Variants in CCDC186 observed in about 807,000 individuals in gnomAD.
CCDC186 encodes coiled-coil domain-containing protein 186.
CCDC186 carries 49 observed loss-of-function variants against 113.7 expected under a neutral mutation model. That is an observed-to-expected ratio of 0.43 (90% CI 0.34 to 0.55). The LOEUF (loss-of-function observed/expected upper bound fraction) is 0.55. Among genes scored for constraint, CCDC186 ranks in the 20% least tolerant of loss-of-function variants. The pLI, the probability that CCDC186 is intolerant of heterozygous loss-of-function variation, is 0.02. For synonymous variants in CCDC186, 355 were observed against 345.8 expected, an observed-to-expected ratio of 1.03 and a Z score of -0.30; for missense variants, 890 against 1,011.1, an observed-to-expected ratio of 0.88 and a Z score of 1.62.
intron 6 of CCDC186, among the ~76,000 whole-genome samples, chr10:114,141,432 G>C (rs1177012216): frequency 1.3e-5 from 2 of 152,172 alleles, no homozygotes; most frequent in African/African-American, 4.8e-5. Context: ...ATTTATAACA[G>C]ACTTAATCTA....
Position 114,124,829 on chromosome 10 carries a change from T to C in CCDC186, c.*314A>G, listed in dbSNP as rs957500402. 1 of 232,258 alleles carries C rather than the reference T, an allele frequency of 4.3e-6. No homozygotes were observed. Among genetic ancestry groups the C allele is most frequent in the Middle Eastern group, 1.4e-3 (1 of 738 alleles). 14.4% of individuals were successfully genotyped at this position (232,258 alleles called of 1,614,324 possible). On this transcript the variant is annotated 3_prime_UTR_variant, in exon 16 of 16. Coordinates refer to ENST00000369287, the MANE Select transcript of CCDC186 (RefSeq NM_018017.4). ...TTACATATTTTAAAGGGAAGAAATATGAACAAAGGGTTTTTTATAAAAGCC... is the reference window on the plus strand; with the variant it reads ...TTACATATTTTAAAGGGAAGAAATACGAACAAAGGGTTTTTTATAAAAGCC...
Position 114,162,653 on chromosome 10 carries a change from C to A in CCDC186, c.616G>T (p.Glu206Ter). ...KCVQDKYLQQ[E>*]HIIKKLIKEN... is the part of the protein sequence containing the mutation. ...AAAACTTACTTTTTTATGATATGTT[C>A]CTGCTGCAAATATTTATCTTGCACA... is the stretch of plus-strand genomic sequence containing the variant. The change falls in exon 2 of 16, where the codon GAA (glutamate) becomes TAA (stop). Residue 206 changes from glutamate to a stop codon, truncating the protein, a stop_gained. Transcript: ENST00000369287. LOFTEE classifies it high-confidence loss of function. The A allele has an allele frequency of 2.5e-6, 4 of 1,574,066 alleles. No individual in the cohort carries two copies. Among genetic ancestry groups the A allele is most frequent in the South Asian group, 2.4e-5 (2 of 83,994 alleles).
At position 114,132,120 on chromosome 10, in the gene CCDC186, G is replaced by A; in HGVS notation, c.1720C>T (p.Leu574=). ...CTACTGCCTTCGATGTCTTTTTGTA[G>A]GTCATTAATCAAAGAATTAAGACTT... ...VESLNSLIND[L]QKDIEGSRKR... Residue 574 remains leucine (L), a synonymous_variant, in exon 11 of 16, where the codon CTA becomes TTA. Coordinates refer to ENST00000369287, the MANE Select transcript of CCDC186 (RefSeq NM_018017.4). 1 of 1,612,200 alleles carries A rather than the reference G, an allele frequency of 6.2e-7. No homozygotes were observed. Among genetic ancestry groups the A allele is most frequent in the South Asian group, 1.1e-5 (1 of 90,878 alleles).
In CCDC186 at chr10:114,125,006, A is replaced by AT. The variant is rs201498373; in HGVS notation, c.*136dup. On this transcript the variant is annotated 3_prime_UTR_variant, in exon 16 of 16. Transcript: ENST00000369287. ...CAATGCATTCATATTGTAAAAGGGT[A>AT]TTTTTTTGTGTACAGATGAAGCAAA... is the stretch of plus-strand genomic sequence containing the variant. 2.6e-3 allele frequency: 1,577 copies of AT among 606,686 alleles called. 50 individuals carry two copies. The East Asian group carries it at 0.045, about 17-fold the overall frequency. The allele number at this position is 606,686 out of a possible 1,614,324, so 37.6% of individuals were successfully genotyped here.
intron 7 of CCDC186, 150 bp from the exon 8 acceptor site, chr10:114,136,396 A>G (rs1262042375): frequency 3.5e-6 from 2 of 571,510 alleles, no homozygotes; most frequent in African/African-American, 1.9e-5. Flanking sequence ...TAACTCCAAG[A>G]ACAGTTTTTT....
Position 114,132,176 on chromosome 10 carries a change from T to G in CCDC186, c.1664A>C (p.Gln555Pro). The change falls in exon 11 of 16, where the codon CAA becomes CCA. Residue 555 changes from glutamine (Q) to proline (P), a missense_variant. Coordinates refer to ENST00000369287, the MANE Select transcript of CCDC186 (RefSeq NM_018017.4). ...QLQEQLQRGK[Q>P]EIENLKEEVE... ...TTCTTCTTTCAAATTTTCAATTTCT[T>G]GCTTACCTCTAAAACACAAAATTTA... 1 of 1,589,222 alleles carries G rather than the reference T, an allele frequency of 6.3e-7. No homozygotes were observed. Among genetic ancestry groups the G allele is most frequent in the Non-Finnish European group, 8.6e-7 (1 of 1,165,354 alleles).
rs181169460 is a variant in CCDC186 at position 114,125,810 on chromosome 10, T to C, written c.2613+76A>G. 43 of 1,242,872 alleles carry C rather than the reference T, an allele frequency of 3.5e-5. 1 individual carries two copies. The East Asian group carries it at 9.0e-4, about 26-fold the overall frequency. The allele number at this position is 1,242,872 out of a possible 1,614,324, so 77.0% of individuals were successfully genotyped here. On this transcript the variant is annotated intron_variant, in intron 15 of 15. Coordinates refer to ENST00000369287, the MANE Select transcript of CCDC186 (RefSeq NM_018017.4). ...TGCATTACAGAAACAGCCCAGCTGA[T>C]TGCTAGATCAGACTGTGAAACAGGC...
At chr10:114,166,758 T>C (rs2032345724) in intron 1 of CCDC186, among the ~76,000 whole-genome samples, 2 of 152,210 alleles carry the variant, frequency 1.3e-5, no homozygotes, top group South Asian at 4.1e-4. Context: ...GAAAACAGGT[T>C]GTAAGATGAC....
intron 9 of CCDC186, 97 bp downstream of exon 9, chr10:114,135,794 T>A (rs1295970889): frequency 7.4e-6 from 7 of 952,202 alleles, no homozygotes; most frequent in Non-Finnish European, 1.1e-5. Flanking sequence ...AACATTTCTA[T>A]ATTAATGTCC....
intron 6 of CCDC186, among the ~76,000 whole-genome samples, chr10:114,140,320 A>T (rs2119747310): frequency 6.6e-6 from 1 of 152,348 alleles, no homozygotes; most frequent in Admixed American, 6.5e-5. Context: ...GAGCAAGAAG[A>T]TCTGCTGAAG....
chr10:114,138,413 C>T (rs918780981), intron 6 of CCDC186, among the ~76,000 whole-genome samples: 2 of 150,492 alleles, frequency 1.3e-5, no homozygotes, highest in African/African-American at 2.4e-5. Context: ...CCTGCCTCAG[C>T]CTCCTGAGTA....
At position 114,164,539 on chromosome 10, in the gene CCDC186, TA is replaced by T. The variant is rs374296785; in HGVS notation, c.-61-1211del. The stretch of plus-strand genomic sequence containing the variant: ...TTATAAAATATTTCCACAATCTTGA[TA>T]AAAAAAATTGTTGACTTCTTTTGTC... On this transcript the variant is annotated intron_variant, in intron 1 of 15. Transcript: ENST00000369287. Among the ~76,000 whole-genome samples, 39 of 152,100 alleles carry T rather than the reference TA, an allele frequency of 2.6e-4. 1 individual carries two copies. In the South Asian group the frequency reaches 7.5e-3, roughly 29 times the overall value.
In CCDC186 at chr10:114,162,999, A is replaced by G. The variant is rs768612351; in HGVS notation, c.270T>C (p.Ser90=). 1.9e-5 allele frequency: 31 copies of G among 1,613,982 alleles called. No homozygotes were observed. The highest frequency in any genetic ancestry group is 2.5e-5 in the Non-Finnish European group (30 of 1,179,980). The change falls in exon 2 of 16, where the codon TCT becomes TCC. Residue 90 remains serine (S), a synonymous_variant. Transcript: ENST00000369287. The stretch of plus-strand genomic sequence containing the variant: ...CACTAGGAAAATTAGCTATTTGTTC[A>G]GAATTTTCTGAGCCTGTGTCTGTTT... ...CAKTDTGSEN[S]EQIANFPSGN...
At chr10:114,172,629 G>A (rs1220012781) in intron 1 of CCDC186, among the ~76,000 whole-genome samples, 4 of 152,260 alleles carry the variant, frequency 2.6e-5, no homozygotes, top group African/African-American at 9.6e-5. Flanking sequence ...TGCATTTCCA[G>A]GGAGAATCTT....
intron 3 of CCDC186, among the ~76,000 whole-genome samples, chr10:114,156,834 G>A (rs2032025418): frequency 6.6e-6 from 1 of 152,142 alleles, no homozygotes; most frequent in African/African-American, 2.4e-5. Flanking sequence ...TCACAATATA[G>A]TTTTTAAAAA....
Position 114,122,953 on chromosome 10 carries a change from G to A in CCDC186, c.*2190C>T, listed in dbSNP as rs1016049804. On this transcript the variant is annotated 3_prime_UTR_variant, in exon 16 of 16. Coordinates refer to ENST00000369287, the MANE Select transcript of CCDC186 (RefSeq NM_018017.4). The stretch of plus-strand genomic sequence containing the variant: ...AGATGGTAGCACAAATATTAATACT[G>A]GAGTGTGCATTTTTGTCTAAAATGT... 3 of 152,062 alleles carry A rather than the reference G, an allele frequency of 2.0e-5. No homozygotes were observed. The highest frequency in any genetic ancestry group is 7.2e-5 in the African/African-American group (3 of 41,406). The allele number at this position is 152,062 out of a possible 1,614,324, so 9.4% of individuals were successfully genotyped here. A position where few individuals can be genotyped will look rare whatever the true frequency, so the allele number is the denominator to read the frequency against.
chr10:114,124,752 G>A lies in CCDC186; in HGVS notation c.*391C>T, dbSNP rs1319984337. The A allele has an allele frequency of 6.2e-6, 1 of 160,554 alleles. No individual in the cohort carries two copies. Among genetic ancestry groups the A allele is most frequent in the Non-Finnish European group, 1.3e-5 (1 of 74,106 alleles). The allele number at this position is 160,554 out of a possible 1,614,324, so 9.9% of individuals were successfully genotyped here. A position where few individuals can be genotyped will look rare whatever the true frequency, so the allele number is the denominator to read the frequency against. ...TTGGAGAAATAGCGTATTACTGAAT[G>A]TTTACCACCTGTTTTCATGCATAAT... is the stretch of plus-strand genomic sequence containing the variant. On this transcript the variant is annotated 3_prime_UTR_variant, in exon 16 of 16. Coordinates refer to ENST00000369287, the MANE Select transcript of CCDC186 (RefSeq NM_018017.4).
At chr10:114,149,526 A>G (rs2031747451) in intron 4 of CCDC186, among the ~76,000 whole-genome samples, 1 of 143,706 alleles carries the variant, frequency 7.0e-6, no homozygotes, top group Non-Finnish European at 1.5e-5. Context: ...TTTAGGAAGG[A>G]AGGAAGGAAA....
chr10:114,137,945 G>A (rs1222470165), intron 6 of CCDC186, among the ~76,000 whole-genome samples: 2 of 147,566 alleles, frequency 1.4e-5, no homozygotes, highest in Non-Finnish European at 3.0e-5. Context: ...GCTGAAGCAG[G>A]AGAATCACTT....
Sources: gnomAD v4.1 joint callset for allele counts (sites outside exome capture counted in the v4.1 genomes callset) on GRCh38, gnomAD v4.1.1 for gene constraint, MANE v1.5 for transcripts, NCBI Gene and HGNC (gene_info 2026-07-23, HGNC 2026-07-21) for gene names.